Variants in MAML3 observed in about 807,000 individuals in gnomAD.
MAML3 encodes mastermind-like protein 3.
In MAML3, 27 loss-of-function variants were observed where a neutral mutation model predicts 101.9. That is an observed-to-expected ratio of 0.27 (90% CI 0.20 to 0.37). The LOEUF is 0.37. MAML3 is among the 10% of genes least tolerant of loss of function. MAML3 has a pLI of 1.00. For synonymous variants in MAML3, 501 were observed against 555.9 expected, an observed-to-expected ratio of 0.90 and a Z score of 1.39; for missense variants, 1,316 against 1,444.9, an observed-to-expected ratio of 0.91 and a Z score of 1.45.
At chr4:139,744,504 C>CA (rs1729262155) in intron 2 of MAML3, among the ~76,000 whole-genome samples, 1 of 152,172 alleles carries the variant, frequency 6.6e-6, no homozygotes, top group African/African-American at 2.4e-5. Flanking sequence ...GCTCAGAAAA[C>CA]AAGTATACCT....
chr4:140,086,037 C>T (rs1039070629), intron 1 of MAML3, among the ~76,000 whole-genome samples: 1 of 152,148 alleles, frequency 6.6e-6, no homozygotes, highest in Non-Finnish European at 1.5e-5. Flanking sequence ...TCCATTTCAC[C>T]GTGATGTTTT....
intron 2 of MAML3, among the ~76,000 whole-genome samples, chr4:139,834,020 C>T (rs1731217045): frequency 6.6e-6 from 1 of 152,152 alleles, no homozygotes; most frequent in African/African-American, 2.4e-5. Flanking sequence ...GGATGCTCCC[C>T]CTGCTTTCAG....
chr4:139,982,152 T>C (rs181692849), intron 1 of MAML3, among the ~76,000 whole-genome samples: 1 of 152,368 alleles, frequency 6.6e-6, no homozygotes, highest in African/African-American at 2.4e-5. Flanking sequence ...TTCTTCCACA[T>C]TGATTTTTCC....
At position 139,889,474 on chromosome 4, in the gene MAML3, T is replaced by C; in HGVS notation, c.1962A>G (p.Pro654=). 6.2e-7 allele frequency: 1 copy of C among 1,613,876 alleles called. No individual in the cohort carries two copies. The highest frequency in any genetic ancestry group is 8.5e-7 in the Non-Finnish European group (1 of 1,179,856). The part of the protein sequence containing the change: ...QQQQQQQPPP[P]QLQAPRAHLS... ...GGTGTGCCCTGGGGGCCTGGAGCTG[T>C]GGAGGTGGCGGCTGCTGCTGCTGCT... Residue 654 remains proline, a synonymous_variant, in exon 2 of 5, where the codon CCA becomes CCG. Transcript: ENST00000509479.
rs148018336 is a variant in MAML3 at position 139,790,457 on chromosome 4, T to G, written c.2080-59790A>C. Among the ~76,000 whole-genome samples the G allele has an allele frequency of 7.4e-4, 113 of 151,868 alleles. 3 individuals carry two copies. In the East Asian group the frequency reaches 0.017, roughly 23 times the overall value. On this transcript the variant is annotated intron_variant, in intron 2 of 4. Transcript: ENST00000509479. ...GGTTCAATTCAGTGGCATTAGTATA[T>G]TCACGATGTTGCGCAACATCACCGC...
chr4:140,070,233 T>G (rs1727626783), intron 1 of MAML3, among the ~76,000 whole-genome samples: 1 of 152,216 alleles, frequency 6.6e-6, no homozygotes. Flanking sequence ...AGCTTCAATA[T>G]TTCCCACTTA....
At chr4:139,766,680 C>A (rs915708855) in intron 2 of MAML3, among the ~76,000 whole-genome samples, 1 of 152,194 alleles carries the variant, frequency 6.6e-6, no homozygotes, top group African/African-American at 2.4e-5. Flanking sequence ...CCCGACAACT[C>A]CAAGTCCGCC....
intron 1 of MAML3, among the ~76,000 whole-genome samples, chr4:140,035,743 A>G (rs1328990097): frequency 6.6e-6 from 1 of 151,516 alleles, no homozygotes; most frequent in Non-Finnish European, 1.5e-5. Flanking sequence ...AGACTGCACC[A>G]CTGCACTCCA....
intron 1 of MAML3, among the ~76,000 whole-genome samples, chr4:140,130,276 A>T (rs530343652): frequency 1.6e-4 from 25 of 152,350 alleles, no homozygotes; most frequent in Non-Finnish European, 3.1e-4. Flanking sequence ...TTGAAGGAAC[A>T]ATGTCTACGC....
At chr4:140,006,453 G>A (rs1726448676) in intron 1 of MAML3, among the ~76,000 whole-genome samples, 2 of 152,056 alleles carry the variant, frequency 1.3e-5, no homozygotes, top group Admixed American at 1.3e-4. Context: ...AGGCATGGTG[G>A]CGGGTGCCTG....
At chr4:139,729,095 C>T (rs908689447) in intron 3 of MAML3, among the ~76,000 whole-genome samples, 3 of 146,982 alleles carry the variant, frequency 2.0e-5, no homozygotes, top group Non-Finnish European at 4.5e-5. Flanking sequence ...CAATAGCTGC[C>T]AGGCGGCTGA....
intron 1 of MAML3, among the ~76,000 whole-genome samples, chr4:139,970,183 C>T (rs1734210482): frequency 6.6e-6 from 1 of 152,154 alleles, no homozygotes; most frequent in Non-Finnish European, 1.5e-5. Flanking sequence ...TGTGGAAATG[C>T]AAGGAATCAA....
chr4:139,946,913 A>ACT (rs1185469088), intron 1 of MAML3, among the ~76,000 whole-genome samples: 39 of 122,046 alleles, frequency 3.2e-4, no homozygotes, highest in African/African-American at 1.3e-3. Flanking sequence ...ACACACACAC[A>ACT]CACACACACA....
At chr4:139,734,409 A>AC (rs1388342315) in intron 2 of MAML3, among the ~76,000 whole-genome samples, 1 of 151,778 alleles carries the variant, frequency 6.6e-6, no homozygotes, top group African/African-American at 2.4e-5. Context: ...TTGCCCAACG[A>AC]CCTCCCTTGC....
chr4:139,739,726 A>AG (rs1729092453), intron 2 of MAML3, among the ~76,000 whole-genome samples: 1 of 149,960 alleles, frequency 6.7e-6, no homozygotes, highest in South Asian at 2.1e-4. Context: ...AAACTAAAAA[A>AG]AAAAAAAGAA....
chr4:139,746,897 G>A (rs953396058), intron 2 of MAML3, among the ~76,000 whole-genome samples: 2 of 152,176 alleles, frequency 1.3e-5, no homozygotes, highest in South Asian at 2.1e-4. Flanking sequence ...TCGGGTGGGA[G>A]GGGGTTGCTG....
intron 2 of MAML3, chr4:139,731,259 G>A (rs1728694595): frequency 6.3e-6 from 1 of 158,276 alleles, no homozygotes; most frequent in Non-Finnish European, 1.4e-5. Flanking sequence ...AACTGGGAAT[G>A]TTTTACACCG....
intron 1 of MAML3, among the ~76,000 whole-genome samples, chr4:139,948,203 G>A (rs1456695380): frequency 1.3e-5 from 2 of 151,946 alleles, no homozygotes; most frequent in African/African-American, 4.8e-5. Context: ...AGTCTATGTG[G>A]AAAAACCCAA....
chr4:139,934,189 T>C (rs1733461366), intron 1 of MAML3, among the ~76,000 whole-genome samples: 1 of 152,004 alleles, frequency 6.6e-6, no homozygotes, highest in African/African-American at 2.4e-5. Flanking sequence ...TGAGTGTGTG[T>C]GAATGTGTGT....
Sources: allele counts gnomAD v4.1 joint callset (sites outside exome capture counted in the v4.1 genomes callset), GRCh38; gene constraint gnomAD v4.1.1; transcripts MANE v1.5; gene names NCBI Gene and HGNC (gene_info 2026-07-23, HGNC 2026-07-21).